The following NEDD4L variants were observed in gnomAD, a reference collection of about 807,000 sequenced individuals.
NEDD4L encodes the protein E3 ubiquitin-protein ligase NEDD4-like.
Under a neutral mutation model 148.9 loss-of-function variants are expected in NEDD4L, and 54 were observed. The ratio of observed to expected loss-of-function variants is 0.36; its 90% CI spans 0.29 to 0.45. NEDD4L has a LOEUF of 0.45. Ranked by LOEUF, NEDD4L falls within the 20% of genes least tolerant of loss-of-function variation. The pLI is 1.00. For synonymous variants in NEDD4L, 433 were observed against 440.7 expected (o/e 0.98, Z 0.22); for missense variants, 856 against 1,233.8 (o/e 0.69, Z 4.59).
chr18:58,370,567 T>C, intron 23 of NEDD4L, 100 bp downstream of exon 23: 1 of 768,376 alleles, frequency 1.3e-6, no homozygotes, highest in South Asian at 1.4e-5. Context: ...CTTTTATGGG[T>C]GTTGCATTCC....
rs141207685 is a variant in NEDD4L, at chr18:58,229,273, G to A, written c.123-16154G>A. ...AAATGCCATTTCTTACATTGAGATGGCACATGTCTGGTTAGGACTTGGGCT... is the reference window on the plus strand; with the variant it reads ...AAATGCCATTTCTTACATTGAGATGACACATGTCTGGTTAGGACTTGGGCT... On this transcript the variant is annotated intron_variant, in intron 2 of 30. Transcript: ENST00000400345. Among the ~76,000 whole-genome samples, 569 of 152,276 alleles carry A rather than the reference G, an allele frequency of 3.7e-3. 4 individuals are homozygous for A. The highest frequency in any genetic ancestry group is 0.013 in the African/African-American group (539 of 41,546).
intron 1 of NEDD4L, among the ~76,000 whole-genome samples, chr18:58,062,544 G>T (rs918901411): frequency 3.9e-5 from 6 of 152,162 alleles, no homozygotes; most frequent in Admixed American, 3.3e-4. Flanking sequence ...TTAAAACTTA[G>T]CTGTTTGTTG....
chr18:58,180,304 C>T (rs2038705029), intron 2 of NEDD4L, among the ~76,000 whole-genome samples: 1 of 152,192 alleles, frequency 6.6e-6, no homozygotes, highest in Admixed American at 6.5e-5. Flanking sequence ...GCTGATCTGT[C>T]TGTGTGACCC....
At chr18:58,381,360 C>T (rs539649701) in intron 24 of NEDD4L, among the ~76,000 whole-genome samples, 8 of 152,326 alleles carry the variant, frequency 5.3e-5, no homozygotes, top group Admixed American at 3.3e-4. Context: ...TAGCCCTCCC[C>T]TCCCCACTTT....
chr18:58,116,503 C>T (rs1458999478), intron 1 of NEDD4L, among the ~76,000 whole-genome samples: 1 of 152,160 alleles, frequency 6.6e-6, no homozygotes. Context: ...CCTTCAGGTG[C>T]ATCTAATGCA....
At chr18:58,133,012 GA>G (rs948809472) in intron 1 of NEDD4L, among the ~76,000 whole-genome samples, 2 of 152,178 alleles carry the variant, frequency 1.3e-5, no homozygotes, top group Non-Finnish European at 2.9e-5. Context: ...ACCAGATGGA[GA>G]GGCCACTTTT....
chr18:58,250,791 A>G (rs1165579739), intron 4 of NEDD4L, among the ~76,000 whole-genome samples: 1 of 152,162 alleles, frequency 6.6e-6, no homozygotes, highest in Non-Finnish European at 1.5e-5. Flanking sequence ...AGGAGAGAGA[A>G]TCCTTACCTG....
chr18:58,335,855 G>A (rs2041677520), intron 13 of NEDD4L: 1 of 250,232 alleles, frequency 4.0e-6, no homozygotes, highest in Admixed American at 5.0e-5. Context: ...CATTTCATTA[G>A]AATGCTTGGT....
At chr18:58,347,994 C>T (rs2043318552) in intron 16 of NEDD4L, among the ~76,000 whole-genome samples, 1 of 150,730 alleles carries the variant, frequency 6.6e-6, no homozygotes, top group Non-Finnish European at 1.5e-5. Flanking sequence ...GATATGGATT[C>T]TCCTTTTTAT....
intron 2 of NEDD4L, among the ~76,000 whole-genome samples, chr18:58,174,312 T>G (rs1391334018): frequency 6.6e-6 from 1 of 151,818 alleles, no homozygotes; most frequent in Non-Finnish European, 1.5e-5. Context: ...AAGGCATTGT[T>G]CAGAAAGAAT....
chr18:58,175,951 A>G (rs567889986), intron 2 of NEDD4L, among the ~76,000 whole-genome samples: 1 of 152,330 alleles, frequency 6.6e-6, no homozygotes, highest in East Asian at 1.9e-4. Flanking sequence ...AGATGGGTAA[A>G]TGCACAGAGC....
intron 2 of NEDD4L, among the ~76,000 whole-genome samples, chr18:58,200,340 G>A (rs564081550): frequency 6.6e-6 from 1 of 152,354 alleles, no homozygotes; most frequent in Admixed American, 6.5e-5. Context: ...TTGAAATACT[G>A]TCAACTGGAA....
chr18:58,370,264 AC>A, intron 22 of NEDD4L, 132 bp from the exon 23 acceptor site: 1 of 660,850 alleles, frequency 1.5e-6, no homozygotes, highest in South Asian at 1.8e-5. Flanking sequence ...CTTGTGCAAT[AC>A]TGTAGAAGGC....
At chr18:58,245,846 A>ATTTTTTTTTT (rs58940181) in intron 3 of NEDD4L, among the ~76,000 whole-genome samples, 1,401 of 91,596 alleles carry the variant, frequency 0.015, no homozygotes, top group Non-Finnish European at 0.02. Context: ...ATGCCTGGCT[A>ATTTTTTTTTT]TTTTTTTTTT....
chr18:58,110,115 C>G (rs2085330038), intron 1 of NEDD4L, among the ~76,000 whole-genome samples: 1 of 152,128 alleles, frequency 6.6e-6, no homozygotes, highest in African/African-American at 2.4e-5. Flanking sequence ...TAGTTGGCAT[C>G]AAGATGGGTG....
intron 5 of NEDD4L, among the ~76,000 whole-genome samples, chr18:58,278,147 TAGAATTAAACTTC>T (rs2052434652): frequency 6.6e-6 from 1 of 152,154 alleles, no homozygotes; most frequent in Admixed American, 6.5e-5. Context: ...AGTTCTTTGA[TAGAATTAAACTTC>T]AGATAGGCAT....
intron 24 of NEDD4L, among the ~76,000 whole-genome samples, chr18:58,379,854 C>T (rs1270827566): frequency 2.0e-5 from 3 of 152,062 alleles, no homozygotes; most frequent in Non-Finnish European, 4.4e-5. Flanking sequence ...GCCGAGACAC[C>T]GAGATCTGGG....
At chr18:58,111,964 G>A (rs2085447890) in intron 1 of NEDD4L, among the ~76,000 whole-genome samples, 1 of 152,178 alleles carries the variant, frequency 6.6e-6, no homozygotes, top group Non-Finnish European at 1.5e-5. Flanking sequence ...TCTGTCCAGT[G>A]ATAGCCATCC....
intron 1 of NEDD4L, chr18:58,045,166 C>G (rs1461008323): frequency 2.5e-6 from 1 of 398,880 alleles, no homozygotes; most frequent in African/African-American, 2.1e-5. Context: ...AACTTTCTCT[C>G]TCATGATTGT....
Sources: gnomAD v4.1 joint callset for allele counts (sites outside exome capture counted in the v4.1 genomes callset) on GRCh38, gnomAD v4.1.1 for gene constraint, MANE v1.5 for transcripts, NCBI Gene and HGNC (gene_info 2026-07-23, HGNC 2026-07-21) for gene names.